The following PCDHGA9 variants were observed in gnomAD, a reference collection of about 807,000 sequenced individuals.
PCDHGA9 encodes protocadherin gamma-A9.
Under a neutral mutation model 62.5 loss-of-function variants are expected in PCDHGA9, and 37 were observed. That is an observed-to-expected ratio of 0.59 (90% CI 0.46 to 0.78). The LOEUF (loss-of-function observed/expected upper bound fraction) is 0.78. PCDHGA9 is among the 30% of genes least tolerant of loss of function. PCDHGA9 has a pLI of 0.00. For synonymous variants in PCDHGA9, 459 were observed against 484.6 expected (o/e 0.95, Z 0.69); for missense variants, 1,138 against 1,166.2 (o/e 0.98, Z 0.35).
chr5:141,405,835 A>C (rs2094724459), intron 1 of PCDHGA9, among the ~76,000 whole-genome samples: 1 of 152,178 alleles, frequency 6.6e-6, no homozygotes, highest in African/African-American at 2.4e-5. Flanking sequence ...AGGTAGTATA[A>C]GTTGATATCA....
chr5:141,501,478 T>A (rs536337246), intron 2 of PCDHGA9, among the ~76,000 whole-genome samples: 5 of 151,890 alleles, frequency 3.3e-5, no homozygotes, highest in Non-Finnish European at 7.4e-5. Flanking sequence ...CCTGGAAGAG[T>A]CCCTCATATC....
intron 1 of PCDHGA9, chr5:141,409,530 C>G: frequency 6.2e-7 from 1 of 1,613,994 alleles, no homozygotes. Flanking sequence ...TTGTATGTCG[C>G]TGACATCAAC....
In PCDHGA9 at chr5:141,485,222, C is replaced by A; in HGVS notation, c.2425-9585C>A. The A allele has an allele frequency of 6.2e-7, 1 of 1,614,196 alleles. No homozygotes were observed. The highest frequency in any genetic ancestry group is 8.5e-7 in the Non-Finnish European group (1 of 1,180,020). On this transcript the variant is annotated intron_variant, in intron 1 of 3. Transcript: ENST00000573521. This position sits in a 1 kb window ranked among gnomAD's most constrained non-coding sequence, Gnocchi z 5.7. ...GACAGAAATCTGGCGGTGGGCTACC[C>A]TTTTGTTCCTCTTTTACCACCTGGG...
Position 141,420,738 on chromosome 5 carries a change from T to C in PCDHGA9, c.2424+15362T>C, listed in dbSNP as rs550966989. 1.5e-4 allele frequency among the ~76,000 whole-genome samples: 23 copies of C among 152,358 alleles called. 1 individual carries two copies. In the South Asian group the frequency reaches 4.6e-3, roughly 30 times the overall value. ...GTTCCTTTCAGTCGGTTAAAATCAA[T>C]TGGAACCAACTACAACCTACAAGTT... On this transcript the variant is annotated intron_variant, in intron 1 of 3. Transcript: ENST00000573521.
chr5:141,486,725 C>A lies in PCDHGA9; in HGVS notation c.2425-8082C>A. 1 of 1,614,182 alleles carries A rather than the reference C, an allele frequency of 6.2e-7. No individual in the cohort carries two copies. The highest frequency in any genetic ancestry group is 1.1e-5 in the South Asian group (1 of 91,076). On this transcript the variant is annotated intron_variant, in intron 1 of 3. Transcript: ENST00000573521. The surrounding 1 kb of genome is among the most constrained non-coding windows in gnomAD (Gnocchi z 5.0). ...TCTGAACCCCCAGACAGGAGCTGTT[C>A]ATGCTACTCGATCCTTTGACTATGA...
chr5:141,432,117 C>T lies in PCDHGA9; in HGVS notation c.2424+26741C>T, dbSNP rs761106133. The T allele has an allele frequency of 3.9e-5, 63 of 1,614,062 alleles. No individual in the cohort carries two copies. Among genetic ancestry groups the T allele is most frequent in the Non-Finnish European group, 4.2e-5 (50 of 1,180,048 alleles). On this transcript the variant is annotated intron_variant, in intron 1 of 3. Transcript: ENST00000573521. The surrounding 1 kb of genome is among the most constrained non-coding windows in gnomAD (Gnocchi z 6.0). ...ACCAACGACAACCCGCCGGTCTTCC[C>T]TCAGGCCTCCTATTCCGCTTATATC...
At position 141,477,222 on chromosome 5, in the gene PCDHGA9, C is replaced by T; in HGVS notation, c.2425-17585C>T. Reference sequence around the variant, plus strand: ...GTACCCGAGGATGCCCCTCTGGGGACTGTCATCGCTTTGCTCAGTGTGACT... The same window carrying T: ...GTACCCGAGGATGCCCCTCTGGGGATTGTCATCGCTTTGCTCAGTGTGACT... On this transcript the variant is annotated intron_variant, in intron 1 of 3. Transcript: ENST00000573521. This position sits in a 1 kb window ranked among gnomAD's most constrained non-coding sequence, Gnocchi z 4.9. 2 of 1,614,218 alleles carry T rather than the reference C, an allele frequency of 1.2e-6. No homozygotes were observed. Among genetic ancestry groups the T allele is most frequent in the South Asian group, 1.1e-5 (1 of 91,086 alleles).
At chr5:141,478,074 A>G in intron 1 of PCDHGA9, 1 of 1,614,090 alleles carries the variant, frequency 6.2e-7, no homozygotes, top group Non-Finnish European at 8.5e-7. Context: ...GACAATGGGG[A>G]GCCTTCGCTC....
intron 2 of PCDHGA9, among the ~76,000 whole-genome samples, chr5:141,504,563 C>G (rs1036149640): frequency 3.3e-5 from 5 of 149,436 alleles, no homozygotes; most frequent in African/African-American, 1.2e-4. Context: ...GACTGGCATT[C>G]TAGGGAACAC....
Position 141,430,867 on chromosome 5 carries a change from G to T in PCDHGA9, c.2424+25491G>T, listed in dbSNP as rs1157718106. ...GCACCCAGATACGCTATTCAGTTCC[G>T]GAAGAGCTGGAGAAAGGCTCTAGGG... On this transcript the variant is annotated intron_variant, in intron 1 of 3. Coordinates refer to ENST00000573521, the MANE Select transcript of PCDHGA9 (RefSeq NM_018921.3). 2.5e-6 allele frequency: 4 copies of T among 1,596,238 alleles called. No individual in the cohort carries two copies. In the East Asian group the frequency reaches 8.9e-5, roughly 36 times the overall value.
At position 141,404,828 on chromosome 5, in the gene PCDHGA9, G is replaced by T; in HGVS notation, c.1876G>T (p.Val626Leu). 6.2e-7 allele frequency: 1 copy of T among 1,609,938 alleles called. No homozygotes were observed. Among genetic ancestry groups the T allele is most frequent in the Non-Finnish European group, 8.5e-7 (1 of 1,178,486 alleles). Residue 626 changes from valine (V) to leucine (L), a missense_variant, in exon 1 of 4, where the codon GTG (valine) becomes TTG (leucine). Val to Leu is a conservative substitution (Grantham distance 32). Coordinates refer to ENST00000573521, the MANE Select transcript of PCDHGA9 (RefSeq NM_018921.3). ...CTCGGTGGGGCTGCACACAGGTGAA[G>T]TGCGCACAGCTCGGGCCCTGCTAGA... ...LFSVGLHTGE[V>L]RTARALLDRD...
chr5:141,426,753 A>G (rs1360041118), intron 1 of PCDHGA9: 3 of 456,298 alleles, frequency 6.6e-6, no homozygotes, highest in East Asian at 7.0e-5. Flanking sequence ...GGAATCTGCT[A>G]TAGATGCAGA....
chr5:141,428,251 T>G, intron 1 of PCDHGA9: 2 of 893,496 alleles, frequency 2.2e-6, no homozygotes, highest in Non-Finnish European at 3.6e-6. Context: ...ACTGCCAGAC[T>G]TCAGTGACAG....
rs562247940 is a variant in PCDHGA9, at chr5:141,405,227, C to T, written c.2275C>T (p.Leu759Phe). ...FLQTYSQEFSLTADSRKSHLI... is the reference protein window; with the variant it reads ...FLQTYSQEFSFTADSRKSHLI... ...ACAGACCTATTCTCAGGAGTTCTCC[C>T]TCACCGCTGACTCAAGGAAGAGTCA... is the stretch of plus-strand genomic sequence containing the variant. The change falls in exon 1 of 4, where the codon CTC becomes TTC. Residue 759 changes from leucine (L) to phenylalanine (F), a missense_variant. Physicochemically the swap from Leu to Phe is conservative, Grantham distance 22. Coordinates refer to ENST00000573521, the MANE Select transcript of PCDHGA9 (RefSeq NM_018921.3). 1 of 1,614,114 alleles carries T rather than the reference C, an allele frequency of 6.2e-7. No individual in the cohort carries two copies. Among genetic ancestry groups the T allele is most frequent in the South Asian group, 1.1e-5 (1 of 91,082 alleles).
chr5:141,414,060 G>C (rs769101242), intron 1 of PCDHGA9: 1 of 1,609,304 alleles, frequency 6.2e-7, no homozygotes, highest in South Asian at 1.1e-5. Flanking sequence ...AATTGTTGAA[G>C]TTCCAACTAA....
chr5:141,412,209 T>G (rs917646798), intron 1 of PCDHGA9: 2 of 152,248 alleles, frequency 1.3e-5, no homozygotes. Flanking sequence ...TCATTTGACA[T>G]AAACACTTAC....
At chr5:141,427,304 C>G in intron 1 of PCDHGA9, 1 of 456,910 alleles carries the variant, frequency 2.2e-6, no homozygotes. Flanking sequence ...ATGAGAATGA[C>G]AATGCCCCAG....
intron 1 of PCDHGA9, chr5:141,418,387 G>T: frequency 1.9e-6 from 3 of 1,614,002 alleles, no homozygotes; most frequent in Non-Finnish European, 2.5e-6. Flanking sequence ...GTCCTAACGA[G>T]TATTTCTCAT....
Position 141,481,023 on chromosome 5 carries a change from A to G in PCDHGA9, c.2425-13784A>G, listed in dbSNP as rs546827260. On this transcript the variant is annotated intron_variant, in intron 1 of 3. Transcript: ENST00000573521. ...CAGTGAGCCCAGATCACACCACTGC[A>G]CTCCAGCCTGGGCGACAGAGCGAGA... Among the ~76,000 whole-genome samples the G allele has an allele frequency of 9.0e-4, 137 of 152,218 alleles. 1 individual carries two copies. The highest frequency in any genetic ancestry group is 3.2e-3 in the African/African-American group (132 of 41,516).
Sources: gnomAD v4.1 joint callset for allele counts (sites outside exome capture counted in the v4.1 genomes callset) on GRCh38, gnomAD v4.1.1 for gene constraint, Gnocchi (gnomAD v3.1) non-coding constraint, MANE v1.5 for transcripts, NCBI Gene and HGNC (gene_info 2026-07-23, HGNC 2026-07-21) for gene names.